The following SMYD3 variants were observed in gnomAD, a reference collection of about 807,000 sequenced individuals.
SMYD3 encodes SET and MYND domain containing 3.
Under a neutral mutation model 57.7 loss-of-function variants are expected in SMYD3, and 36 were observed. The ratio of observed to expected loss-of-function variants is 0.62; its 90% CI spans 0.48 to 0.82. SMYD3 has a LOEUF of 0.82. Among genes scored for constraint, SMYD3 ranks in the 40% least tolerant of loss-of-function variants. The probability of loss-of-function intolerance (pLI) is 0.00; values close to 1 mark genes in which losing one functional copy is unlikely to be tolerated. For synonymous variants in SMYD3, 211 were observed against 195.0 expected, an observed-to-expected ratio of 1.08 and a Z score of -0.68; for missense variants, 515 against 538.8, an observed-to-expected ratio of 0.96 and a Z score of 0.44.
intron 5 of SMYD3, among the ~76,000 whole-genome samples, chr1:245,962,955 A>G (rs746741924): frequency 5.3e-5 from 8 of 152,192 alleles, no homozygotes; most frequent in Non-Finnish European, 8.8e-5. Flanking sequence ...TTATAAGACT[A>G]GAGACCACTG....
In SMYD3 at chr1:246,183,259, A is replaced by G. The variant is rs138615167; in HGVS notation, c.531+143942T>C. On this transcript the variant is annotated intron_variant, in intron 5 of 11. Transcript: ENST00000490107. ...GTTTTCCAGACAATACTTTTCAATT[A>G]GACTAACTTACAAACTTGAGGAATA... 4.7e-3 allele frequency among the ~76,000 whole-genome samples: 720 copies of G among 152,260 alleles called. 1 individual carries two copies. Among genetic ancestry groups the G allele is most frequent in the South Asian group, 0.034 (164 of 4,802 alleles).
At chr1:245,900,135 G>A (rs141953101) in intron 8 of SMYD3, among the ~76,000 whole-genome samples, 5 of 152,106 alleles carry the variant, frequency 3.3e-5, no homozygotes, top group African/African-American at 7.2e-5. Context: ...AATATTAAAC[G>A]AATCTTTAGC....
intron 2 of SMYD3, among the ~76,000 whole-genome samples, chr1:246,352,224 T>C (rs556818728): frequency 1.3e-5 from 2 of 149,476 alleles, no homozygotes; most frequent in Non-Finnish European, 3.0e-5. Context: ...ACAAGGTACA[T>C]GTTACACCTG....
At chr1:246,238,293 A>T (rs10802364) in intron 5 of SMYD3, among the ~76,000 whole-genome samples, 31,569 of 152,100 alleles carry the variant, frequency 0.21, 4,000 homozygotes, top group East Asian at 0.58. Flanking sequence ...AGCTTCCGAA[A>T]GTGCTGTGAT....
At chr1:246,348,710 T>C (rs1483843352) in intron 2 of SMYD3, among the ~76,000 whole-genome samples, 6 of 152,162 alleles carry the variant, frequency 3.9e-5, no homozygotes, top group Non-Finnish European at 4.4e-5. Context: ...TCACACAGTA[T>C]ACCTTTGTAG....
At chr1:245,930,753 G>T (rs1018565606) in intron 5 of SMYD3, 1 of 152,208 alleles carries the variant, frequency 6.6e-6, no homozygotes, top group Non-Finnish European at 1.5e-5. Flanking sequence ...CCTCCGTGGA[G>T]CTCAAGTTCT....
rs546772350 is a variant in SMYD3, at chr1:246,084,644, G to A, written c.532-154707C>T. On this transcript the variant is annotated intron_variant, in intron 5 of 11. Coordinates refer to ENST00000490107, the MANE Select transcript of SMYD3 (RefSeq NM_001167740.2). ...CATCAGGCAAATAAATTTATGACAC[G>A]CACTTACTATGTATTTACGAGGGTC... Among the ~76,000 whole-genome samples, 138 of 152,172 alleles carry A rather than the reference G, an allele frequency of 9.1e-4. 3 individuals carry two copies. In the South Asian group the frequency reaches 0.011, roughly 13 times the overall value.
At chr1:246,061,446 C>G (rs76756939) in intron 5 of SMYD3, among the ~76,000 whole-genome samples, 5,051 of 151,854 alleles carry the variant, frequency 0.033, 290 homozygotes, top group African/African-American at 0.12. Flanking sequence ...AAAAGCCAGG[C>G]ACAGAGACTC....
chr1:245,957,786 T>TA (rs1468358775), intron 5 of SMYD3, among the ~76,000 whole-genome samples: 1 of 152,222 alleles, frequency 6.6e-6, no homozygotes, highest in Non-Finnish European at 1.5e-5. Flanking sequence ...CTTGGCCTGG[T>TA]AAAACAGGAT....
At chr1:246,231,130 T>C (rs1257917128) in intron 5 of SMYD3, among the ~76,000 whole-genome samples, 1 of 152,216 alleles carries the variant, frequency 6.6e-6, no homozygotes, top group Non-Finnish European at 1.5e-5. Context: ...GCATTGGACG[T>C]GCTCGGATGC....
intron 5 of SMYD3, among the ~76,000 whole-genome samples, chr1:246,165,429 G>A (rs2062191411): frequency 1.3e-5 from 2 of 152,118 alleles, no homozygotes; most frequent in Non-Finnish European, 2.9e-5. Flanking sequence ...ATTGAGACTA[G>A]ATAACTAGTA....
chr1:245,997,729 C>A (rs1436168483), intron 5 of SMYD3, among the ~76,000 whole-genome samples: 1 of 152,100 alleles, frequency 6.6e-6, no homozygotes, highest in Non-Finnish European at 1.5e-5. Flanking sequence ...TCCACCACCA[C>A]CAGGGAAACA....
At chr1:246,009,764 T>A (rs2059244440) in intron 5 of SMYD3, among the ~76,000 whole-genome samples, 1 of 147,500 alleles carries the variant, frequency 6.8e-6, no homozygotes, top group African/African-American at 2.5e-5. Flanking sequence ...TAGAATGAAG[T>A]AGAAGAAGCT....
chr1:245,771,943 C>T (rs2046356191), intron 10 of SMYD3, among the ~76,000 whole-genome samples: 1 of 152,154 alleles, frequency 6.6e-6, no homozygotes, highest in Non-Finnish European at 1.5e-5. Flanking sequence ...CTTACCATGA[C>T]CTTAATTCAC....
intron 5 of SMYD3, among the ~76,000 whole-genome samples, chr1:246,119,001 C>T (rs1055299307): frequency 1.6e-4 from 24 of 148,210 alleles, no homozygotes; most frequent in Non-Finnish European, 3.1e-4. Context: ...TCCCTCTAGA[C>T]GTCATTTATT....
At chr1:246,279,682 G>A (rs1170654219) in intron 5 of SMYD3, among the ~76,000 whole-genome samples, 1 of 152,108 alleles carries the variant, frequency 6.6e-6, no homozygotes, top group East Asian at 1.9e-4. Flanking sequence ...TATTGAACAG[G>A]GAAGAATAGA....
At chr1:246,422,899 G>A (rs1431482814) in intron 1 of SMYD3, among the ~76,000 whole-genome samples, 1 of 151,786 alleles carries the variant, frequency 6.6e-6, no homozygotes, top group Non-Finnish European at 1.5e-5. Flanking sequence ...CTGTTCTAGA[G>A]GATAATAACA....
chr1:246,448,712 A>T (rs1203856576), intron 1 of SMYD3, among the ~76,000 whole-genome samples: 1 of 149,380 alleles, frequency 6.7e-6, no homozygotes. Flanking sequence ...TTTAAAAAAA[A>T]AAAAAAAAAA....
chr1:245,896,176 T>C (rs1354533125), intron 8 of SMYD3, among the ~76,000 whole-genome samples: 1 of 152,148 alleles, frequency 6.6e-6, no homozygotes, highest in Non-Finnish European at 1.5e-5. Context: ...GATGCACACA[T>C]ACTTGGAAGC....
Sources: gnomAD v4.1 joint callset for allele counts (sites outside exome capture counted in the v4.1 genomes callset) on GRCh38, gnomAD v4.1.1 for gene constraint, MANE v1.5 for transcripts, NCBI Gene and HGNC (gene_info 2026-07-23, HGNC 2026-07-21) for gene names.